PRKN: variants seen among roughly 807,000 people sequenced by gnomAD.
PRKN encodes the protein E3 ubiquitin-protein ligase parkin.
Under a neutral mutation model 59.5 loss-of-function variants are expected in PRKN, and 56 were observed. The observed-to-expected ratio is 0.94, with a 90% CI of 0.76 to 1.18. The LOEUF (loss-of-function observed/expected upper bound fraction) is 1.18, where lower values mean the gene tolerates loss of function less well. Among genes scored for constraint, PRKN ranks in the 50% most tolerant of loss-of-function variants. The probability of loss-of-function intolerance (pLI) is 0.00; values close to 1 mark genes in which losing one functional copy is unlikely to be tolerated. For missense variants in PRKN, 657 were observed against 596.4 expected (o/e 1.10, Z -1.06); for synonymous variants, 250 against 222.1 (o/e 1.13, Z -1.12).
chr6:161,880,481 T>C (rs973829509), intron 6 of PRKN, among the ~76,000 whole-genome samples: 10 of 152,152 alleles, frequency 6.6e-5, no homozygotes, highest in African/African-American at 1.4e-4. Flanking sequence ...TCGTTATTTT[T>C]CCCCCACAGT....
intron 6 of PRKN, among the ~76,000 whole-genome samples, chr6:161,901,746 C>T (rs1392626452): frequency 6.6e-6 from 1 of 152,136 alleles, no homozygotes; most frequent in African/African-American, 2.4e-5. Flanking sequence ...GTAAATTCAT[C>T]GTGGCTGCAG....
At position 161,648,223 on chromosome 6, in the gene PRKN, T is replaced by C. The variant is rs775770528; in HGVS notation, c.872-78807A>G. On this transcript the variant is annotated intron_variant, in intron 7 of 11. Transcript: ENST00000366898. ...TTATTTTTTTAAACTCACACAGATATGGATTGTACAGAAATGCATTTTCAT... is the reference window on the plus strand; with the variant it reads ...TTATTTTTTTAAACTCACACAGATACGGATTGTACAGAAATGCATTTTCAT... Among the ~76,000 whole-genome samples the C allele has an allele frequency of 1.1e-4, 17 of 152,156 alleles. 1 individual carries two copies. The highest frequency in any genetic ancestry group is 2.2e-4 in the African/African-American group (9 of 41,436).
At chr6:162,370,130 G>A (rs561767444) in intron 2 of PRKN, among the ~76,000 whole-genome samples, 6 of 152,256 alleles carry the variant, frequency 3.9e-5, no homozygotes, top group South Asian at 2.1e-4. Flanking sequence ...CACTGTAGTC[G>A]AAATGTTTCA....
intron 7 of PRKN, among the ~76,000 whole-genome samples, chr6:161,601,743 T>C (rs1005168199): frequency 6.6e-6 from 1 of 151,856 alleles, no homozygotes; most frequent in Non-Finnish European, 1.5e-5. Context: ...CCACCACGCC[T>C]GGCTAATTTT....
intron 2 of PRKN, among the ~76,000 whole-genome samples, chr6:162,378,012 T>C (rs1786214894): frequency 6.6e-6 from 1 of 152,188 alleles, no homozygotes; most frequent in Non-Finnish European, 1.5e-5. Context: ...CATCGTTCAC[T>C]CCCTTTGGTA....
At chr6:162,219,449 C>T (rs1318216173) in intron 3 of PRKN, among the ~76,000 whole-genome samples, 1 of 152,138 alleles carries the variant, frequency 6.6e-6, no homozygotes, top group Non-Finnish European at 1.5e-5. Flanking sequence ...ATTACAAACT[C>T]AGGCCAGCTG....
intron 4 of PRKN, among the ~76,000 whole-genome samples, chr6:162,096,848 ATTTTTTTTTTTTTT>A (rs71004079): frequency 1.6e-4 from 8 of 49,210 alleles, no homozygotes; most frequent in East Asian, 7.6e-4. Flanking sequence ...TACAGCTGGA[ATTTTTTTTTTTTTT>A]TTTTTTTTTT....
chr6:162,377,366 AGTGACACCACGCTCG>A (rs1489238702), intron 2 of PRKN, among the ~76,000 whole-genome samples: 7 of 152,194 alleles, frequency 4.6e-5, no homozygotes, highest in African/African-American at 1.4e-4. Flanking sequence ...CCAAGAGGCC[AGTGACACCACGCTCG>A]GTGACACCAC....
intron 5 of PRKN, among the ~76,000 whole-genome samples, chr6:162,026,319 A>G (rs926302458): frequency 5.3e-5 from 8 of 152,196 alleles, no homozygotes; most frequent in African/African-American, 1.9e-4. Flanking sequence ...TAACACTGCA[A>G]TTATGTACTC....
At chr6:162,314,948 G>A (rs1782683745) in intron 2 of PRKN, among the ~76,000 whole-genome samples, 2 of 152,064 alleles carry the variant, frequency 1.3e-5, no homozygotes, top group African/African-American at 4.8e-5. Context: ...TTGGTTTTTC[G>A]AAATGATCTT....
At chr6:161,864,775 G>C (rs1794046595) in intron 6 of PRKN, among the ~76,000 whole-genome samples, 1 of 148,874 alleles carries the variant, frequency 6.7e-6, no homozygotes, top group Non-Finnish European at 1.5e-5. Context: ...TCCTGCCCTA[G>C]CCTCCTGAGT....
chr6:162,331,327 A>T (rs931434333), intron 2 of PRKN, among the ~76,000 whole-genome samples: 1 of 152,170 alleles, frequency 6.6e-6, no homozygotes, highest in Non-Finnish European at 1.5e-5. Context: ...AAACCATATC[A>T]ACCATCAATC....
chr6:161,757,962 A>T (rs866390469), intron 7 of PRKN, among the ~76,000 whole-genome samples: 13 of 134,138 alleles, frequency 9.7e-5, no homozygotes, highest in African/African-American at 3.4e-4. Flanking sequence ...TATACAGTTA[A>T]ATATATATAT....
intron 4 of PRKN, among the ~76,000 whole-genome samples, chr6:162,155,971 A>G (rs1445189311): frequency 6.6e-6 from 1 of 152,158 alleles, no homozygotes; most frequent in Non-Finnish European, 1.5e-5. Flanking sequence ...CTTCTTTAAA[A>G]CCATTTGATT....
chr6:162,671,918 C>G (rs1006750838), intron 1 of PRKN, among the ~76,000 whole-genome samples: 1 of 151,870 alleles, frequency 6.6e-6, no homozygotes, highest in African/African-American at 2.4e-5. Flanking sequence ...GGGAGGAAGA[C>G]AGGTGACGGA....
chr6:162,331,992 G>A lies in PRKN; in HGVS notation c.172-69227C>T, dbSNP rs151155468. ...TTCAATAAGTATTGATCAATTTCTTGCAAAATGCCAGTCTTGTGACCTATG... is the reference window on the plus strand; with the variant it reads ...TTCAATAAGTATTGATCAATTTCTTACAAAATGCCAGTCTTGTGACCTATG... On this transcript the variant is annotated intron_variant, in intron 2 of 11. Transcript: ENST00000366898. Among the ~76,000 whole-genome samples, 609 of 152,168 alleles carry A rather than the reference G, an allele frequency of 4.0e-3. 6 individuals carry two copies. Among genetic ancestry groups the A allele is most frequent in the African/African-American group, 0.014 (586 of 41,506 alleles).
chr6:162,423,765 C>T (rs1223740733), intron 2 of PRKN, among the ~76,000 whole-genome samples: 3 of 152,056 alleles, frequency 2.0e-5, no homozygotes, highest in African/African-American at 7.2e-5. Context: ...ATAGAAGAGA[C>T]CATTAATTAT....
chr6:161,437,586 G>C (rs563008465), intron 9 of PRKN, among the ~76,000 whole-genome samples: 60 of 152,168 alleles, frequency 3.9e-4, no homozygotes, highest in Non-Finnish European at 8.2e-4. Context: ...GCTGGTTGCT[G>C]TCTGGAAAAG....
intron 4 of PRKN, among the ~76,000 whole-genome samples, chr6:162,064,844 A>C (rs777874681): frequency 1.3e-5 from 2 of 152,264 alleles, no homozygotes; most frequent in Non-Finnish European, 2.9e-5. Flanking sequence ...TTGAAGAAGA[A>C]GGACGAGTCC....
Sources: gnomAD v4.1 joint callset for allele counts (sites outside exome capture counted in the v4.1 genomes callset) on GRCh38, gnomAD v4.1.1 for gene constraint, MANE v1.5 for transcripts, NCBI Gene and HGNC (gene_info 2026-07-23, HGNC 2026-07-21) for gene names.